Variants in RYR2 observed in about 807,000 individuals in gnomAD.
RYR2 encodes ryanodine receptor 2.
Under a neutral mutation model 601.1 loss-of-function variants are expected in RYR2, and 227 were observed. The ratio of observed to expected loss-of-function variants is 0.38; its 90% CI spans 0.34 to 0.42. The LOEUF (loss-of-function observed/expected upper bound fraction) is 0.42. RYR2 is among the 10% of genes least tolerant of loss of function. The pLI, the probability that RYR2 is intolerant of heterozygous loss-of-function variation, is 1.00. For missense variants in RYR2, 4,646 were observed against 6,156.5 expected (o/e 0.75, Z 8.21); for synonymous variants, 2,223 against 2,175.1 (o/e 1.02, Z -0.61).
intron 73 of RYR2, among the ~76,000 whole-genome samples, chr1:237,721,806 C>A (rs1347128975): frequency 6.6e-6 from 1 of 152,192 alleles, no homozygotes; most frequent in Non-Finnish European, 1.5e-5. Flanking sequence ...AGGAGTGAGC[C>A]ACCGTGCCCG....
intron 80 of RYR2, among the ~76,000 whole-genome samples, chr1:237,746,958 A>G (rs966792734): frequency 1.3e-5 from 2 of 152,162 alleles, no homozygotes; most frequent in African/African-American, 4.8e-5. Flanking sequence ...ACTGCAGTAG[A>G]ACACATTTAT....
intron 1 of RYR2, among the ~76,000 whole-genome samples, chr1:237,165,128 T>G (rs1269134101): frequency 6.8e-6 from 1 of 146,672 alleles, no homozygotes; most frequent in Non-Finnish European, 1.5e-5. Flanking sequence ...GGCTAATTAA[T>G]TTTTTTTTTT....
At position 237,373,375 on chromosome 1, in the gene RYR2, C is replaced by G. The variant is rs16835185; in HGVS notation, c.385-1342C>G. On this transcript the variant is annotated intron_variant, in intron 6 of 104. Transcript: ENST00000366574. ...AATTCCACCTAACATACCAGCATAT[C>G]TGCCACCGATTGGTTCATCTGCCTT... Among the ~76,000 whole-genome samples, 863 of 152,312 alleles carry G rather than the reference C, an allele frequency of 5.7e-3. 11 individuals are homozygous for G. The highest frequency in any genetic ancestry group is 0.019 in the African/African-American group (802 of 41,570).
rs556237451 is a variant in RYR2 at position 237,536,070 on chromosome 1, A to G, written c.2906+5560A>G. On this transcript the variant is annotated intron_variant, in intron 25 of 104. Coordinates refer to ENST00000366574, the MANE Select transcript of RYR2 (RefSeq NM_001035.3). Reference sequence around the variant, plus strand: ...AAGGCCAGTGCAGTGAGACAAGAAAAAAATCATGAGGCTTGGAAAGGAAAA... The same window carrying G: ...AAGGCCAGTGCAGTGAGACAAGAAAGAAATCATGAGGCTTGGAAAGGAAAA... Among the ~76,000 whole-genome samples the G allele has an allele frequency of 2.6e-5, 4 of 152,300 alleles. No homozygotes were observed. The East Asian group carries it at 5.8e-4, about 22-fold the overall frequency.
intron 1 of RYR2, among the ~76,000 whole-genome samples, chr1:237,258,346 T>C (rs1275474075): frequency 1.3e-5 from 2 of 152,008 alleles, no homozygotes; most frequent in Non-Finnish European, 2.9e-5. Context: ...TGTGAGAAGC[T>C]GACTTCCTCT....
In RYR2 at chr1:237,705,215, A is replaced by C. The variant is rs1389281438; in HGVS notation, c.9452A>C (p.Gln3151Pro). Residue 3151 changes from glutamine (Q) to proline (P), a missense_variant and splice_region_variant, in exon 67 of 105, where the codon CAA becomes CCA. Gln to Pro is a moderately conservative substitution (Grantham distance 76, BLOSUM62 -1). Around this residue, in one of 17 missense-constraint regions of RYR2, gnomAD observed 1,497 missense variants for 1,842.6 expected, o/e 0.81. Coordinates refer to ENST00000366574, the MANE Select transcript of RYR2 (RefSeq NM_001035.3). Reference protein sequence around the residue: ...GTSKSIYVERQRSALGECLAA... With the variant: ...GTSKSIYVERPRSALGECLAA... ...ACATAAGCATTTTCCACTTATAGGC[A>C]ACGTTCTGCATTAGGAGAATGTCTA... 1 of 1,607,228 alleles carries C rather than the reference A, an allele frequency of 6.2e-7. No homozygotes were observed. Among genetic ancestry groups the C allele is most frequent in the South Asian group, 1.1e-5 (1 of 89,762 alleles).
intron 16 of RYR2, among the ~76,000 whole-genome samples, chr1:237,464,692 C>T (rs76443905): frequency 6.6e-6 from 1 of 152,152 alleles, no homozygotes; most frequent in African/African-American, 2.4e-5. Flanking sequence ...CCATGCTATA[C>T]ATGTACTTAT....
chr1:237,531,243 G>T (rs912300669), intron 25 of RYR2, among the ~76,000 whole-genome samples: 2 of 152,162 alleles, frequency 1.3e-5, no homozygotes, highest in Non-Finnish European at 2.9e-5. Context: ...AGAAAATTGA[G>T]GTAGATAGAT....
chr1:237,443,640 G>T (rs534147351), intron 13 of RYR2, among the ~76,000 whole-genome samples: 44 of 152,020 alleles, frequency 2.9e-4, no homozygotes, highest in African/African-American at 1.0e-3. Flanking sequence ...ATATTTACGG[G>T]GGAAGTTAAT....
intron 1 of RYR2, among the ~76,000 whole-genome samples, chr1:237,177,754 G>A (rs951764442): frequency 2.0e-5 from 3 of 152,070 alleles, no homozygotes; most frequent in African/African-American, 7.2e-5. Flanking sequence ...AATCTTGTAT[G>A]TATCCTTCTA....
At position 237,769,739 on chromosome 1, in the gene RYR2, C is replaced by CTT. The variant is rs370357517; in HGVS notation, c.11477-1052_11477-1051dup. Among the ~76,000 whole-genome samples the CTT allele has an allele frequency of 2.5e-3, 318 of 125,172 alleles. 2 individuals carry two copies. The highest frequency in any genetic ancestry group is 6.8e-3 in the African/African-American group (230 of 33,982). The allele number at this position is 125,172 out of a possible 152,430, so 82.1% of individuals were successfully genotyped here. ...ATTTATTTCCATTCTGTAAAAAGTT[C>CTT]TTTTTTTTTTTTTTTTTAATATGTA... On this transcript the variant is annotated intron_variant, in intron 84 of 104. Transcript: ENST00000366574.
intron 17 of RYR2, among the ~76,000 whole-genome samples, chr1:237,488,825 T>G (rs1468010253): frequency 6.6e-6 from 1 of 152,186 alleles, no homozygotes; most frequent in African/African-American, 2.4e-5. Flanking sequence ...TCAGCCCGCC[T>G]GCACTCAGGT....
chr1:237,355,923 A>G, intron 3 of RYR2, 42 bp from the exon 4 acceptor site: 1 of 1,547,968 alleles, frequency 6.5e-7, no homozygotes, highest in Non-Finnish European at 8.8e-7. Flanking sequence ...ATTGCTAGGT[A>G]TTTGTTTGTT....
intron 24 of RYR2, among the ~76,000 whole-genome samples, chr1:237,517,215 A>G (rs953800307): frequency 6.6e-6 from 1 of 152,002 alleles, no homozygotes; most frequent in Non-Finnish European, 1.5e-5. Flanking sequence ...TCTTCATTTC[A>G]CCCTTAAAGG....
intron 2 of RYR2, among the ~76,000 whole-genome samples, chr1:237,284,238 G>T (rs1042742048): frequency 2.0e-5 from 3 of 151,656 alleles, no homozygotes; most frequent in African/African-American, 7.3e-5. Flanking sequence ...CAAATCAGCC[G>T]GGCGTGGTCG....
chr1:237,167,138 G>A (rs180837050), intron 1 of RYR2, among the ~76,000 whole-genome samples: 8 of 152,326 alleles, frequency 5.3e-5, no homozygotes, highest in Middle Eastern at 3.4e-3. Flanking sequence ...GAAACCGACT[G>A]CAGAGATCTG....
At chr1:237,117,966 G>A (rs1412102093) in intron 1 of RYR2, among the ~76,000 whole-genome samples, 5 of 152,072 alleles carry the variant, frequency 3.3e-5, no homozygotes, top group East Asian at 3.9e-4. Flanking sequence ...GGCTGGCCTC[G>A]AATTCCTGAC....
intron 56 of RYR2, among the ~76,000 whole-genome samples, chr1:237,665,150 C>A (rs941776474): frequency 2.0e-5 from 3 of 152,102 alleles, no homozygotes; most frequent in African/African-American, 7.2e-5. Context: ...CCTGTAATCC[C>A]AGCACTTTGG....
In RYR2 at chr1:237,403,640, G is replaced by A. The variant is rs76319475; in HGVS notation, c.774-13409G>A. 1.2e-3 allele frequency among the ~76,000 whole-genome samples: 179 copies of A among 152,208 alleles called. 1 individual carries two copies. The highest frequency in any genetic ancestry group is 3.8e-3 in the African/African-American group (157 of 41,524). On this transcript the variant is annotated intron_variant, in intron 10 of 104. Transcript: ENST00000366574. ...AGTATCCCACTATGTTGCCCAGGGT[G>A]GTCTTGAATTTCTGATCTTAACCAG...
Sources: gnomAD v4.1 joint callset for allele counts (sites outside exome capture counted in the v4.1 genomes callset) on GRCh38, gnomAD v4.1.1 for gene constraint, gnomAD v4.1.1 regional missense constraint, MANE v1.5 for transcripts, NCBI Gene and HGNC (gene_info 2026-07-23, HGNC 2026-07-21) for gene names.